Variants in LOC128462377 observed in about 807,000 individuals in gnomAD.
the LOC128462377 span, among the ~76,000 whole-genome samples, chr16:89,331,362 A>T: frequency 6.6e-6 from 1 of 152,246 alleles, no homozygotes; most frequent in Non-Finnish European, 1.5e-5. Context: ...TATCTCATGG[A>T]CAGAACAACT....
the LOC128462377 span, chr16:89,343,819 T>G: frequency 6.6e-6 from 1 of 152,328 alleles, no homozygotes; most frequent in East Asian, 1.9e-4. Flanking sequence ...GCGTCGCCCA[T>G]GTCTGACACA....
the LOC128462377 span, among the ~76,000 whole-genome samples, chr16:89,405,278 A>G: frequency 6.6e-6 from 1 of 152,190 alleles, no homozygotes; most frequent in Admixed American, 6.5e-5. Context: ...TACGTGGGGC[A>G]TGACTGTATT....
chr16:89,395,238 G>C, the LOC128462377 span, among the ~76,000 whole-genome samples: 7 of 152,236 alleles, frequency 4.6e-5, no homozygotes, highest in Admixed American at 3.9e-4. Context: ...TGCAAGCCAA[G>C]TAAACTGGCT....
At chr16:89,365,608 A>C in the LOC128462377 span, among the ~76,000 whole-genome samples, 6,360 of 152,224 alleles carry the variant, frequency 0.042, 330 homozygotes, top group African/African-American at 0.12. Flanking sequence ...AAAAAGAGGT[A>C]TGTTCACTCA....
chr16:89,381,753 C>A, the LOC128462377 span, among the ~76,000 whole-genome samples: 14 of 152,294 alleles, frequency 9.2e-5, no homozygotes, highest in South Asian at 2.9e-3. Flanking sequence ...ATACACCCCT[C>A]CTTACCGAAT....
chr16:89,367,933 G>A, the LOC128462377 span, among the ~76,000 whole-genome samples: 1 of 152,080 alleles, frequency 6.6e-6, no homozygotes, highest in East Asian at 1.9e-4. Context: ...GAGCCCAGGA[G>A]GTCAAGTCTG....
the LOC128462377 span, among the ~76,000 whole-genome samples, chr16:89,331,351 A>G: frequency 7.2e-5 from 11 of 152,362 alleles, no homozygotes; most frequent in East Asian, 7.7e-4. Flanking sequence ...TTCACATCAT[A>G]TATCTCATGG....
the LOC128462377 span, among the ~76,000 whole-genome samples, chr16:89,400,886 G>A: frequency 3.3e-5 from 5 of 152,088 alleles, no homozygotes; most frequent in Admixed American, 6.5e-5. Flanking sequence ...CACCTTGGAC[G>A]CCTGTCGCCC....
the LOC128462377 span, among the ~76,000 whole-genome samples, chr16:89,327,455 G>T: frequency 1.3e-5 from 2 of 152,144 alleles, no homozygotes; most frequent in African/African-American, 2.4e-5. Flanking sequence ...TGGTGTAAGT[G>T]TCCATGTCGA....
At chr16:89,402,943 C>G in the LOC128462377 span, among the ~76,000 whole-genome samples, 1 of 152,126 alleles carries the variant, frequency 6.6e-6, no homozygotes, top group African/African-American at 2.4e-5. Flanking sequence ...GCAACCTAGC[C>G]TGCCAGTGGA....
chr16:89,380,114 C>A, the LOC128462377 span, among the ~76,000 whole-genome samples: 4 of 152,070 alleles, frequency 2.6e-5, no homozygotes, highest in South Asian at 8.3e-4. Flanking sequence ...AACAATGATG[C>A]CTGTTTTTTT....
the LOC128462377 span, among the ~76,000 whole-genome samples, chr16:89,377,030 T>C: frequency 6.6e-6 from 1 of 152,252 alleles, no homozygotes; most frequent in Non-Finnish European, 1.5e-5. Context: ...CTTCCATTGA[T>C]GCTTTGTCCG....
chr16:89,400,880 T>G, the LOC128462377 span, among the ~76,000 whole-genome samples: 1 of 152,094 alleles, frequency 6.6e-6, no homozygotes, highest in Non-Finnish European at 1.5e-5. Context: ...TGCACACACC[T>G]TGGACGCCTG....
At chr16:89,401,915 C>G in the LOC128462377 span, among the ~76,000 whole-genome samples, 11 of 152,098 alleles carry the variant, frequency 7.2e-5, no homozygotes, top group African/African-American at 2.7e-4. Flanking sequence ...CCCCCAGAAC[C>G]TGGAGAGAGG....
At chr16:89,367,294 G>T in the LOC128462377 span, among the ~76,000 whole-genome samples, 90 of 152,372 alleles carry the variant, frequency 5.9e-4, 1 homozygote, top group African/African-American at 2.0e-3. Flanking sequence ...GCAGGGGCCA[G>T]TGCTGGCCCA....
chr16:89,383,068 T>C, the LOC128462377 span, among the ~76,000 whole-genome samples: 1 of 152,202 alleles, frequency 6.6e-6, no homozygotes, highest in South Asian at 2.1e-4. Context: ...ACCTCTCTCG[T>C]CTGGATTCAA....
chr16:89,376,095 C>T, the LOC128462377 span, among the ~76,000 whole-genome samples: 1 of 152,122 alleles, frequency 6.6e-6, no homozygotes, highest in South Asian at 2.1e-4. Flanking sequence ...TGTGAAATAC[C>T]TTTTTATCTC....
the LOC128462377 span, among the ~76,000 whole-genome samples, chr16:89,345,431 G>A: frequency 6.6e-6 from 1 of 152,218 alleles, no homozygotes; most frequent in African/African-American, 2.4e-5. Context: ...CTGGGAGGCA[G>A]TCCCGTCCAT....
At chr16:89,387,634 C>A in the LOC128462377 span, among the ~76,000 whole-genome samples, 3 of 147,212 alleles carry the variant, frequency 2.0e-5, no homozygotes, top group Non-Finnish European at 4.5e-5. Flanking sequence ...GACTGCACCA[C>A]TGCACTCTAG....
Sources: gnomAD v4.1 joint callset for allele counts (sites outside exome capture counted in the v4.1 genomes callset) on GRCh38, gnomAD v4.1.1 for gene constraint, MANE v1.5 for transcripts.